Variants in DIP2C observed in about 807,000 individuals in gnomAD.
DIP2C encodes the protein disco-interacting protein 2 homolog C.
Under a neutral mutation model 192.4 loss-of-function variants are expected in DIP2C, and 33 were observed. The observed-to-expected ratio is 0.17, with a 90% confidence interval of 0.13 to 0.23. The LOEUF is 0.23. Ranked by LOEUF, DIP2C falls within the 10% of genes least tolerant of loss-of-function variation. The pLI is 1.00. For missense variants in DIP2C, 1,537 were observed against 2,110.1 expected (o/e 0.73, Z 5.32); for synonymous variants, 979 against 864.1 (o/e 1.13, Z -2.33).
chr10:313,105 C>A (rs1320732147), intron 31 of DIP2C, among the ~76,000 whole-genome samples: 2 of 151,962 alleles, frequency 1.3e-5, no homozygotes, highest in African/African-American at 4.8e-5. Flanking sequence ...ATTATAAAAC[C>A]CCTGAGGTAA....
chr10:583,543 G>T (rs1180295638), intron 1 of DIP2C, among the ~76,000 whole-genome samples: 3 of 152,168 alleles, frequency 2.0e-5, no homozygotes, highest in African/African-American at 7.2e-5. Context: ...CGGCTCAGAG[G>T]CTGAAAGCAC....
chr10:369,987 G>A, intron 17 of DIP2C: 1 of 985,354 alleles, frequency 1.0e-6, no homozygotes, highest in Non-Finnish European at 1.2e-6. Context: ...CCCGGCTCCT[G>A]CTCACTCCAC....
intron 1 of DIP2C, among the ~76,000 whole-genome samples, chr10:540,963 C>T (rs1242392833): frequency 6.6e-6 from 1 of 152,072 alleles, no homozygotes; most frequent in African/African-American, 2.4e-5. Flanking sequence ...TCGTGCTACA[C>T]GCAGATGGGG....
chr10:379,063 G>T (rs1290203310), intron 17 of DIP2C, among the ~76,000 whole-genome samples: 2 of 152,116 alleles, frequency 1.3e-5, no homozygotes, highest in Non-Finnish European at 2.9e-5. Flanking sequence ...AATGGCATAA[G>T]CTCTGGCAGT....
intron 32 of DIP2C, among the ~76,000 whole-genome samples, chr10:300,591 C>A (rs546852737): frequency 6.6e-6 from 1 of 151,744 alleles, no homozygotes; most frequent in African/African-American, 2.4e-5. Flanking sequence ...GGAAACCAGG[C>A]ACGGCCCTGA....
At chr10:456,772 G>A (rs77668653) in intron 3 of DIP2C, among the ~76,000 whole-genome samples, 10 of 152,312 alleles carry the variant, frequency 6.6e-5, no homozygotes, top group African/African-American at 1.7e-4. Context: ...CTTCCACGAC[G>A]ATTTTTGTTC....
intron 1 of DIP2C, among the ~76,000 whole-genome samples, chr10:527,967 G>A (rs1026447700): frequency 4.6e-5 from 7 of 152,068 alleles, no homozygotes; most frequent in Non-Finnish European, 7.4e-5. Context: ...GGTAAATGAT[G>A]GCCACTCTCA....
At chr10:412,464 G>A (rs1024553086) in intron 8 of DIP2C, among the ~76,000 whole-genome samples, 1 of 152,156 alleles carries the variant, frequency 6.6e-6, no homozygotes, top group African/African-American at 2.4e-5. Flanking sequence ...TCATGCTTTT[G>A]ACTCAATAAA....
At chr10:289,290 G>T (rs758088925) in intron 32 of DIP2C, among the ~76,000 whole-genome samples, 7 of 150,516 alleles carry the variant, frequency 4.7e-5, no homozygotes, top group Non-Finnish European at 1.0e-4. Context: ...TTTTTAAAGA[G>T]ACAGGGTCTC....
intron 1 of DIP2C, among the ~76,000 whole-genome samples, chr10:512,092 T>A (rs1846054294): frequency 6.6e-6 from 1 of 152,258 alleles, no homozygotes; most frequent in Non-Finnish European, 1.5e-5. Flanking sequence ...TGAACGGGCC[T>A]CCTGCTCTTT....
chr10:660,891 T>C (rs1045326027), intron 1 of DIP2C, among the ~76,000 whole-genome samples: 5 of 152,024 alleles, frequency 3.3e-5, no homozygotes, highest in African/African-American at 1.2e-4. Flanking sequence ...ATTTTAAACA[T>C]CCTCACAGCT....
intron 18 of DIP2C, among the ~76,000 whole-genome samples, chr10:367,536 C>T (rs1177240347): frequency 6.6e-6 from 1 of 152,218 alleles, no homozygotes; most frequent in Non-Finnish European, 1.5e-5. Flanking sequence ...AGTGCTGCTG[C>T]TTACCGCTCG....
intron 1 of DIP2C, among the ~76,000 whole-genome samples, chr10:577,823 GTTT>G (rs35201000): frequency 1.9e-4 from 27 of 143,922 alleles, no homozygotes; most frequent in African/African-American, 5.8e-4. Flanking sequence ...GTTTTTTTGT[GTTT>G]TTTTTTTTTT....
chr10:606,291 C>T (rs1034331567), intron 1 of DIP2C, among the ~76,000 whole-genome samples: 3 of 152,214 alleles, frequency 2.0e-5, no homozygotes, highest in Non-Finnish European at 4.4e-5. Context: ...AGGGGGAAGA[C>T]ACCAGTCACA....
intron 3 of DIP2C, among the ~76,000 whole-genome samples, chr10:446,581 C>T (rs185656354): frequency 1.4e-4 from 21 of 152,350 alleles, no homozygotes; most frequent in African/African-American, 4.8e-4. Context: ...TCCTGACTCA[C>T]TTCATTGACG....
At chr10:569,173 T>C (rs1417373693) in intron 1 of DIP2C, among the ~76,000 whole-genome samples, 2 of 152,182 alleles carry the variant, frequency 1.3e-5, no homozygotes, top group African/African-American at 4.8e-5. Context: ...AGAAAAAGAA[T>C]ATGCAGAGAC....
At chr10:282,233 C>T (rs1348820374) in intron 35 of DIP2C, 4 of 152,456 alleles carry the variant, frequency 2.6e-5, no homozygotes, top group East Asian at 3.9e-4. Flanking sequence ...AGGGACACGT[C>T]CTTCAGGGTA....
At chr10:644,812 G>A (rs894660505) in intron 1 of DIP2C, among the ~76,000 whole-genome samples, 14 of 152,280 alleles carry the variant, frequency 9.2e-5, no homozygotes, top group African/African-American at 3.4e-4. Flanking sequence ...ACATGCAGAG[G>A]CAGACAGAAT....
At chr10:678,270 A>G (rs1830942223) in intron 1 of DIP2C, among the ~76,000 whole-genome samples, 1 of 152,296 alleles carries the variant, frequency 6.6e-6, no homozygotes, top group Non-Finnish European at 1.5e-5. Context: ...TGGAACCTAT[A>G]TAGGCCATCC....
Sources: allele counts gnomAD v4.1 joint callset (sites outside exome capture counted in the v4.1 genomes callset), GRCh38; gene constraint gnomAD v4.1.1; transcripts MANE v1.5; gene names NCBI Gene and HGNC (gene_info 2026-07-23, HGNC 2026-07-21).